Variants in TRHR observed in about 807,000 individuals in gnomAD.
TRHR encodes the protein thyrotropin releasing hormone receptor.
TRHR carries 14 observed loss-of-function variants against 28.0 expected under a neutral mutation model. That is an observed-to-expected ratio of 0.50 (90% CI 0.33 to 0.78). The LOEUF is 0.78. Among genes scored for constraint, TRHR ranks in the 30% least tolerant of loss-of-function variants. The pLI, the probability that TRHR is intolerant of heterozygous loss-of-function variation, is 0.02. For synonymous variants in TRHR, 176 were observed against 171.9 expected (o/e 1.02, Z -0.18); for missense variants, 438 against 469.5 (o/e 0.93, Z 0.62).
At chr8:109,107,531 T>A (rs1042567371) in intron 2 of TRHR, among the ~76,000 whole-genome samples, 3 of 152,180 alleles carry the variant, frequency 2.0e-5, no homozygotes, top group Non-Finnish European at 4.4e-5. Flanking sequence ...CCTGACCATA[T>A]CATCCAAAAG....
At chr8:109,090,098 G>T (rs1161470765) in intron 2 of TRHR, among the ~76,000 whole-genome samples, 1 of 152,216 alleles carries the variant, frequency 6.6e-6, no homozygotes, top group Non-Finnish European at 1.5e-5. Flanking sequence ...TTAAATGCCA[G>T]GATTCCATTC....
At chr8:109,113,227 A>G (rs914421386) in intron 2 of TRHR, among the ~76,000 whole-genome samples, 8 of 152,184 alleles carry the variant, frequency 5.3e-5, no homozygotes, top group South Asian at 2.1e-4. Context: ...TATGTTTACT[A>G]TCGCTAACTT....
At chr8:109,098,493 A>T (rs948609436) in intron 2 of TRHR, among the ~76,000 whole-genome samples, 1 of 152,106 alleles carries the variant, frequency 6.6e-6, no homozygotes, top group Non-Finnish European at 1.5e-5. Context: ...TTGCTGCTAG[A>T]ATCATCTAAA....
intron 2 of TRHR, among the ~76,000 whole-genome samples, chr8:109,098,522 C>T (rs1811629000): frequency 6.6e-6 from 1 of 152,148 alleles, no homozygotes; most frequent in African/African-American, 2.4e-5. Flanking sequence ...TTGCTACCAT[C>T]ACTGTGCTGC....
At chr8:109,093,427 G>A (rs1476827850) in intron 2 of TRHR, among the ~76,000 whole-genome samples, 1 of 54,234 alleles carries the variant, frequency 1.8e-5, no homozygotes, top group African/African-American at 7.7e-5. Context: ...TTTTTTTTGA[G>A]ACAGAGTCTC....
chr8:109,109,599 T>C (rs1811799641), intron 2 of TRHR, among the ~76,000 whole-genome samples: 1 of 152,200 alleles, frequency 6.6e-6, no homozygotes, highest in Non-Finnish European at 1.5e-5. Context: ...GTTTTTTCCA[T>C]TCTAGATTAA....
intron 2 of TRHR, among the ~76,000 whole-genome samples, chr8:109,098,257 A>G (rs1811625125): frequency 6.6e-6 from 1 of 151,848 alleles, no homozygotes; most frequent in African/African-American, 2.4e-5. Flanking sequence ...AGTCTCCTGA[A>G]TAGCTGAGAC....
Position 109,119,222 on chromosome 8 carries a change from C to T in TRHR, c.964C>T (p.Leu322Phe). Residue 322 changes from leucine (L) to phenylalanine (F), a missense_variant, in exon 3 of 3, where the codon CTC becomes TTC. By Grantham distance (22) the Leu-to-Phe change is conservative. Coordinates refer to ENST00000518632, the MANE Select transcript of TRHR (RefSeq NM_003301.7). ...TGCCATCAACCCGGTGATTTACAAT[C>T]TCATGTCCCAGAAATTCCGTGCAGC... ...NSAINPVIYN[L>F]MSQKFRAAFR... 1 of 1,612,854 alleles carries T rather than the reference C, an allele frequency of 6.2e-7. No individual in the cohort carries two copies.
intron 2 of TRHR, among the ~76,000 whole-genome samples, chr8:109,110,069 G>T (rs1457441442): frequency 6.6e-6 from 1 of 152,066 alleles, no homozygotes; most frequent in Non-Finnish European, 1.5e-5. Context: ...TGCCCCTACT[G>T]GTGCATGCAG....
chr8:109,106,868 T>C (rs1811759037), intron 2 of TRHR, among the ~76,000 whole-genome samples: 1 of 152,148 alleles, frequency 6.6e-6, no homozygotes, highest in Admixed American at 6.6e-5. Context: ...TGTTGCCCCT[T>C]GCAGGTAAAG....
At chr8:109,103,021 A>G (rs1811699594) in intron 2 of TRHR, among the ~76,000 whole-genome samples, 1 of 152,162 alleles carries the variant, frequency 6.6e-6, no homozygotes, top group Non-Finnish European at 1.5e-5. Context: ...CAAGGATCTT[A>G]TAATTAGAGG....
At chr8:109,118,281 C>T (rs1051667833) in intron 2 of TRHR, among the ~76,000 whole-genome samples, 2 of 151,836 alleles carry the variant, frequency 1.3e-5, no homozygotes, top group Admixed American at 6.6e-5. Flanking sequence ...AACAAATAAA[C>T]ACCTTGGATA....
At chr8:109,108,871 G>A (rs1811788396) in intron 2 of TRHR, among the ~76,000 whole-genome samples, 1 of 152,062 alleles carries the variant, frequency 6.6e-6, no homozygotes, top group Admixed American at 6.6e-5. Context: ...TCAAGCAATA[G>A]GAGAAAGGCC....
At chr8:109,113,231 C>T (rs946084709) in intron 2 of TRHR, among the ~76,000 whole-genome samples, 2 of 152,106 alleles carry the variant, frequency 1.3e-5, no homozygotes, top group Non-Finnish European at 2.9e-5. Context: ...TTTACTATCG[C>T]TAACTTCACA....
chr8:109,087,301 C>T, intron 1 of TRHR, 124 bp from the exon 2 acceptor site: 1 of 619,102 alleles, frequency 1.6e-6, no homozygotes, highest in South Asian at 1.9e-5. Flanking sequence ...TTAAGAAGTA[C>T]ACATGAGCCC....
chr8:109,092,884 T>C (rs1352301739), intron 2 of TRHR, among the ~76,000 whole-genome samples: 2 of 151,798 alleles, frequency 1.3e-5, no homozygotes, highest in Non-Finnish European at 2.9e-5. Context: ...ACCCCACCTC[T>C]CAAAGACCAA....
chr8:109,118,194 C>CT (rs1181271619), intron 2 of TRHR, among the ~76,000 whole-genome samples: 1 of 151,958 alleles, frequency 6.6e-6, no homozygotes, highest in African/African-American at 2.4e-5. Context: ...TTAACAGCCT[C>CT]TGTACCTGTT....
intron 2 of TRHR, among the ~76,000 whole-genome samples, chr8:109,115,741 G>A (rs974849016): frequency 5.3e-5 from 8 of 152,096 alleles, no homozygotes; most frequent in Non-Finnish European, 1.2e-4. Flanking sequence ...ATACAATCAT[G>A]TCATCTGCAA....
At chr8:109,091,290 C>A (rs775600989) in intron 2 of TRHR, among the ~76,000 whole-genome samples, 2 of 152,138 alleles carry the variant, frequency 1.3e-5, no homozygotes, top group Non-Finnish European at 2.9e-5. Flanking sequence ...AAGGACAATT[C>A]AATATGGCCC....
Sources: allele counts gnomAD v4.1 joint callset (sites outside exome capture counted in the v4.1 genomes callset), GRCh38; gene constraint gnomAD v4.1.1; transcripts MANE v1.5; gene names NCBI Gene and HGNC (gene_info 2026-07-23, HGNC 2026-07-21).